Variants in DLGAP2 observed in about 807,000 individuals in gnomAD.
DLGAP2 encodes the protein DLG associated protein 2.
In DLGAP2, 26 loss-of-function variants were observed where a neutral mutation model predicts 100.3. The ratio of observed to expected loss-of-function variants is 0.26; its 90% confidence interval spans 0.19 to 0.36. DLGAP2 has a LOEUF of 0.36. Among genes scored for constraint, DLGAP2 ranks in the 10% least tolerant of loss-of-function variants. DLGAP2 has a pLI of 1.00. For synonymous variants in DLGAP2, 886 were observed against 630.1 expected, an observed-to-expected ratio of 1.41 and a Z score of -6.08; for missense variants, 1,858 against 1,453.2, an observed-to-expected ratio of 1.28 and a Z score of -4.53.
intron 1 of DLGAP2, among the ~76,000 whole-genome samples, chr8:746,275 C>T (rs933660956): frequency 3.3e-5 from 5 of 152,248 alleles, no homozygotes; most frequent in Admixed American, 6.5e-5. Context: ...ATCTGTTGAA[C>T]GTTTCCTATG....
Position 1,627,013 on chromosome 8 carries a change from C to G in DLGAP2, c.1590+126C>G, listed in dbSNP as rs1379488645. On this transcript the variant is annotated intron_variant, in intron 7 of 14. Coordinates refer to ENST00000637795, the MANE Select transcript of DLGAP2 (RefSeq NM_001346810.2). ...TCAGCAGCACTTGGGCAAGGCTACA[C>G]CAAAGGGGGTTCCCCTGGAATTAGC... The G allele has an allele frequency of 2.6e-6, 3 of 1,175,010 alleles. No homozygotes were observed. The African/African-American group carries it at 4.6e-5, about 18-fold the overall frequency. 72.8% of individuals were successfully genotyped at this position (1,175,010 alleles called of 1,614,324 possible).
chr8:1,072,584 C>A (rs1397932505), intron 2 of DLGAP2, among the ~76,000 whole-genome samples: 1 of 152,140 alleles, frequency 6.6e-6, no homozygotes, highest in Non-Finnish European at 1.5e-5. Flanking sequence ...TGTGGCTGTT[C>A]CCGAGAGCAT....
chr8:960,237 C>CTTTTTCTTTTTTTTTTTTT (rs1799692166), intron 2 of DLGAP2, among the ~76,000 whole-genome samples: 1 of 44,640 alleles, frequency 2.2e-5, no homozygotes, highest in Non-Finnish European at 4.0e-5. Flanking sequence ...TGAAGTATAT[C>CTTTTTCTTTTTTTTTTTTT]TTTTTTTTTT....
At chr8:1,194,844 T>G (rs935828) in intron 2 of DLGAP2, among the ~76,000 whole-genome samples, 47,808 of 152,080 alleles carry the variant, frequency 0.31, 8,617 homozygotes, top group Non-Finnish European at 0.41. Flanking sequence ...GTGGCCAGGG[T>G]TCTTCGCTCA....
intron 3 of DLGAP2, among the ~76,000 whole-genome samples, chr8:1,290,488 A>G (rs904722625): frequency 9.2e-5 from 14 of 152,234 alleles, no homozygotes; most frequent in African/African-American, 3.4e-4. Flanking sequence ...GGATAAAATC[A>G]TATAAGGCTC....
Position 1,702,209 on chromosome 8 carries a change from A to G in DLGAP2, c.*803A>G, listed in dbSNP as rs953615830. On this transcript the variant is annotated 3_prime_UTR_variant, in exon 15 of 15. Coordinates refer to ENST00000637795, the MANE Select transcript of DLGAP2 (RefSeq NM_001346810.2). ...AGGAAAACAATGTCCTTACTTGTAA[A>G]CAGTTATTGTATTTTTTATTTCTTT... 2.0e-5 allele frequency: 3 copies of G among 151,220 alleles called. No individual in the cohort carries two copies. The highest frequency in any genetic ancestry group is 3.0e-5 in the Non-Finnish European group (2 of 67,638). 9.4% of individuals were successfully genotyped at this position (151,220 alleles called of 1,614,324 possible).
chr8:1,551,923 G>A (rs556489166), intron 5 of DLGAP2, among the ~76,000 whole-genome samples: 4 of 152,168 alleles, frequency 2.6e-5, no homozygotes, highest in Non-Finnish European at 5.9e-5. Context: ...GAAGGGGCCC[G>A]CCTGGCAGCT....
In DLGAP2 at chr8:900,310, CCCT is replaced by C. The variant is rs1327511889; in HGVS notation, c.19-7597_19-7595del. 7.5e-5 allele frequency among the ~76,000 whole-genome samples: 11 copies of C among 147,646 alleles called. No homozygotes were observed. In the South Asian group the frequency reaches 2.2e-3, roughly 30 times the overall value. ...GTCGCTCCCGGGCGGACGGTGGGCG[CCCT>C]CCTCTTCACGGTGTCGCTCCCGGGT... On this transcript the variant is annotated intron_variant, in intron 1 of 14. Transcript: ENST00000637795.
At chr8:1,050,891 A>C (rs547640752) in intron 2 of DLGAP2, among the ~76,000 whole-genome samples, 1 of 150,242 alleles carries the variant, frequency 6.7e-6, no homozygotes, top group South Asian at 2.1e-4. Context: ...TGTGTGACCT[A>C]TGGGCCTTAG....
intron 6 of DLGAP2, among the ~76,000 whole-genome samples, chr8:1,615,234 T>G (rs1408938317): frequency 1.3e-5 from 2 of 152,102 alleles, no homozygotes; most frequent in East Asian, 3.9e-4. Context: ...CCCCACCAAG[T>G]GCACAGGCCA....
At chr8:752,624 G>T (rs914084515) in intron 1 of DLGAP2, among the ~76,000 whole-genome samples, 1 of 152,176 alleles carries the variant, frequency 6.6e-6, no homozygotes, top group African/African-American at 2.4e-5. Flanking sequence ...GAGCACAGTG[G>T]GGGCTGCCCA....
intron 1 of DLGAP2, among the ~76,000 whole-genome samples, chr8:793,094 G>GCCGCTGGCTCTTCTCC (rs1173099472): frequency 6.6e-6 from 1 of 152,066 alleles, no homozygotes; most frequent in Non-Finnish European, 1.5e-5. Context: ...CTTTCTTCTT[G>GCCGCTGGCTCTTCTCC]CCGCTGGCTC....
At chr8:774,175 A>G (rs9644418) in intron 1 of DLGAP2, among the ~76,000 whole-genome samples, 127,226 of 152,018 alleles carry the variant, frequency 0.84, 53,426 homozygotes, top group Admixed American at 0.9. Flanking sequence ...CATGTCCTTC[A>G]CCTACTTTTT....
At chr8:949,867 C>T (rs1799431897) in intron 2 of DLGAP2, among the ~76,000 whole-genome samples, 1 of 152,156 alleles carries the variant, frequency 6.6e-6, no homozygotes, top group African/African-American at 2.4e-5. Context: ...GGAACCGGCG[C>T]TTTTCTCTTG....
At chr8:1,249,560 CCTT>C (rs1563038876) in intron 2 of DLGAP2, among the ~76,000 whole-genome samples, 8 of 152,114 alleles carry the variant, frequency 5.3e-5, no homozygotes, top group Non-Finnish European at 8.8e-5. Context: ...TAGAATAATT[CCTT>C]ATACGACTGA....
At chr8:797,896 G>A (rs544894887) in intron 1 of DLGAP2, among the ~76,000 whole-genome samples, 45 of 152,146 alleles carry the variant, frequency 3.0e-4, no homozygotes, top group African/African-American at 9.9e-4. Context: ...GATTACAGGC[G>A]CCTGCCACCA....
chr8:954,125 G>A (rs1176393810), intron 2 of DLGAP2, among the ~76,000 whole-genome samples: 1 of 152,264 alleles, frequency 6.6e-6, no homozygotes, highest in East Asian at 1.9e-4. Flanking sequence ...TGGCTCCCAG[G>A]AAAAGGTTGT....
At chr8:1,170,650 G>A (rs1389988526) in intron 2 of DLGAP2, among the ~76,000 whole-genome samples, 1 of 143,104 alleles carries the variant, frequency 7.0e-6, no homozygotes, top group Non-Finnish European at 1.6e-5. Flanking sequence ...ATTTCTTCTA[G>A]ATTTTCTAGT....
intron 3 of DLGAP2, among the ~76,000 whole-genome samples, chr8:1,355,320 G>A (rs1482679010): frequency 5.3e-5 from 8 of 152,306 alleles, no homozygotes; most frequent in African/African-American, 1.7e-4. Flanking sequence ...TGAGATTGTC[G>A]GAGATTGTTT....
Sources: allele counts gnomAD v4.1 joint callset (sites outside exome capture counted in the v4.1 genomes callset), GRCh38; gene constraint gnomAD v4.1.1; transcripts MANE v1.5; gene names NCBI Gene and HGNC (gene_info 2026-07-23, HGNC 2026-07-21).